Variants in CLNK observed in about 807,000 individuals in gnomAD.
The protein encoded by CLNK is cytokine dependent hematopoietic cell linker.
CLNK carries 74 observed loss-of-function variants against 68.6 expected under a neutral mutation model. That is an observed-to-expected ratio of 1.08 (90% CI 0.89 to 1.31). CLNK has a LOEUF of 1.31. CLNK is among the 50% of genes most tolerant of loss of function. CLNK has a pLI of 0.00. For missense variants in CLNK, 553 were observed against 515.3 expected, an observed-to-expected ratio of 1.07 and a Z score of -0.71; for synonymous variants, 198 against 172.2, an observed-to-expected ratio of 1.15 and a Z score of -1.17.
intron 5 of CLNK, among the ~76,000 whole-genome samples, chr4:10,569,974 A>ACAAAG (rs534056307): frequency 5.3e-5 from 8 of 152,304 alleles, no homozygotes; most frequent in Admixed American, 2.0e-4. Context: ...AGTACCCAGG[A>ACAAAG]CAAAGCAAAG....
chr4:10,622,698 T>G (rs1389396610), intron 2 of CLNK, among the ~76,000 whole-genome samples: 2 of 152,206 alleles, frequency 1.3e-5, no homozygotes, highest in Admixed American at 1.3e-4. Context: ...TTTGAGTATA[T>G]AACATTGATT....
chr4:10,642,589 G>A (rs1446935251), intron 2 of CLNK, among the ~76,000 whole-genome samples: 1 of 152,154 alleles, frequency 6.6e-6, no homozygotes, highest in African/African-American at 2.4e-5. Flanking sequence ...GTCTGTGCTA[G>A]TGCATCTTGG....
chr4:10,696,016 T>C, the CLNK span, among the ~76,000 whole-genome samples: 1 of 151,980 alleles, frequency 6.6e-6, no homozygotes, highest in Non-Finnish European at 1.5e-5. Context: ...CCACCCTGCC[T>C]GGTAAATTTT....
chr4:10,652,994 T>C lies in CLNK; in HGVS notation c.11+14865A>G, dbSNP rs147950696. Among the ~76,000 whole-genome samples, 283 of 152,272 alleles carry C rather than the reference T, an allele frequency of 1.9e-3. 3 individuals carry two copies. In the East Asian group the frequency reaches 0.05, roughly 27 times the overall value. Reference sequence around the variant, plus strand: ...ACGAAAATAAGGCACATATATACCATGGAATACTATGCAGCCATAAAAAGG... The same window carrying C: ...ACGAAAATAAGGCACATATATACCACGGAATACTATGCAGCCATAAAAAGG... On this transcript the variant is annotated intron_variant, in intron 2 of 18. Coordinates refer to ENST00000226951, the MANE Select transcript of CLNK (RefSeq NM_052964.4).
At chr4:10,547,060 G>A (rs1470161798) in intron 8 of CLNK, among the ~76,000 whole-genome samples, 1 of 152,080 alleles carries the variant, frequency 6.6e-6, no homozygotes, top group Non-Finnish European at 1.5e-5. Flanking sequence ...ATTCATCCAT[G>A]AGGGCAGAGC....
intron 15 of CLNK, among the ~76,000 whole-genome samples, chr4:10,517,782 A>G (rs1466206953): frequency 1.3e-5 from 2 of 152,176 alleles, no homozygotes; most frequent in East Asian, 3.8e-4. Flanking sequence ...TCCTCCTTGA[A>G]AAAGAGCATT....
chr4:10,730,936 T>C, the CLNK span, among the ~76,000 whole-genome samples: 1 of 152,228 alleles, frequency 6.6e-6, no homozygotes, highest in Admixed American at 6.5e-5. Flanking sequence ...TGTGTGGACT[T>C]TACTAAGGTT....
chr4:10,539,274 C>G (rs1718923129), intron 11 of CLNK, among the ~76,000 whole-genome samples: 1 of 152,138 alleles, frequency 6.6e-6, no homozygotes, highest in Admixed American at 6.5e-5. Context: ...AAAACTTATG[C>G]TTGTGTGGGG....
At chr4:10,732,820 A>G in the CLNK span, among the ~76,000 whole-genome samples, 8 of 151,890 alleles carry the variant, frequency 5.3e-5, no homozygotes, top group Non-Finnish European at 1.2e-4. Context: ...ATGGGTTCCT[A>G]TTTTTAAAAC....
intron 7 of CLNK, among the ~76,000 whole-genome samples, chr4:10,559,553 C>A (rs1175162068): frequency 1.3e-5 from 2 of 152,148 alleles, no homozygotes; most frequent in Admixed American, 1.3e-4. Context: ...GGGAGTCTCT[C>A]TCAATGCTCA....
chr4:10,727,918 C>G, the CLNK span, among the ~76,000 whole-genome samples: 2 of 152,158 alleles, frequency 1.3e-5, no homozygotes, highest in Non-Finnish European at 2.9e-5. Context: ...TGGGGCTTAG[C>G]AATTTTTTTT....
In CLNK at chr4:10,674,711, A is replaced by G. The variant is rs1259729231; in HGVS notation, c.-42-6800T>C. Among the ~76,000 whole-genome samples the G allele has an allele frequency of 3.3e-5, 5 of 152,184 alleles. No individual in the cohort carries two copies. In the East Asian group the frequency reaches 5.8e-4, roughly 18 times the overall value. On this transcript the variant is annotated intron_variant, in intron 1 of 18. Coordinates refer to ENST00000226951, the MANE Select transcript of CLNK (RefSeq NM_052964.4). ...CTGCCTCAACCATCTATTTGGACCA[A>G]ACAACCCCACAGCTTTGGGGCGGAT...
At chr4:10,524,270 G>GAAGA (rs1374240030) in intron 14 of CLNK, among the ~76,000 whole-genome samples, 2 of 152,160 alleles carry the variant, frequency 1.3e-5, no homozygotes, top group Non-Finnish European at 2.9e-5. Flanking sequence ...TGGGACCAGA[G>GAAGA]AAGAAAGTAA....
Position 10,598,021 on chromosome 4 carries a change from A to G in CLNK, c.40T>C (p.Ser14Pro), listed in dbSNP as rs999882914. Residue 14 changes from serine (S) to proline (P), a missense_variant, in exon 3 of 19, where the codon TCC (serine) becomes CCC (proline). Physicochemically the swap from Ser to Pro is moderately conservative, Grantham distance 74 (BLOSUM62 -1). Coordinates refer to ENST00000226951, the MANE Select transcript of CLNK (RefSeq NM_052964.4). ...QGNRKTTKEG[S>P]NDLKFQNFSL... is the part of the protein sequence containing the mutation. ...AAGTTCTGGAATTTCAAATCGTTGG[A>G]TCCTTCTTTAGTTGTCTTTCTATTG... 4 of 1,589,104 alleles carry G rather than the reference A, an allele frequency of 2.5e-6. No individual in the cohort carries two copies. The African/African-American group carries it at 5.4e-5, about 21-fold the overall frequency.
chr4:10,633,375 G>A (rs539615397), intron 2 of CLNK, among the ~76,000 whole-genome samples: 9 of 152,308 alleles, frequency 5.9e-5, no homozygotes, highest in Non-Finnish European at 8.8e-5. Flanking sequence ...GCTTTGTTGC[G>A]ACTGATGGGC....
At chr4:10,635,378 T>C (rs567853783) in intron 2 of CLNK, among the ~76,000 whole-genome samples, 7 of 152,292 alleles carry the variant, frequency 4.6e-5, no homozygotes, top group African/African-American at 1.7e-4. Context: ...CAGAGACTGA[T>C]CGACCCTGTC....
At chr4:10,510,242 A>T (rs1007573258) in intron 16 of CLNK, among the ~76,000 whole-genome samples, 3 of 152,148 alleles carry the variant, frequency 2.0e-5, no homozygotes, top group African/African-American at 7.2e-5. Flanking sequence ...GGAGGGGGGA[A>T]GTCCCCTTCT....
At chr4:10,567,556 G>A (rs1427258073) in intron 5 of CLNK, among the ~76,000 whole-genome samples, 2 of 151,962 alleles carry the variant, frequency 1.3e-5, no homozygotes, top group Non-Finnish European at 2.9e-5. Context: ...AAAAATACAA[G>A]CAATAAAAGA....
the CLNK span, among the ~76,000 whole-genome samples, chr4:10,717,103 G>C: frequency 6.6e-6 from 1 of 152,132 alleles, no homozygotes. Flanking sequence ...TTTGAAATGA[G>C]GGGCCCCAAA....
Sources: gnomAD v4.1 joint callset for allele counts (sites outside exome capture counted in the v4.1 genomes callset) on GRCh38, gnomAD v4.1.1 for gene constraint, MANE v1.5 for transcripts, NCBI Gene and HGNC (gene_info 2026-07-23, HGNC 2026-07-21) for gene names.